The following EP300 variants were observed in gnomAD, a reference collection of about 807,000 sequenced individuals.
The protein encoded by EP300 is EP300 lysine acetyltransferase.
Under a neutral mutation model 264.0 loss-of-function variants are expected in EP300, and 31 were observed. That is an observed-to-expected ratio of 0.12 (90% CI 0.09 to 0.16). The LOEUF (loss-of-function observed/expected upper bound fraction) is 0.16. EP300 is among the 10% of genes least tolerant of loss of function. The pLI is 1.00. For synonymous variants in EP300, 1,340 were observed against 1,045.4 expected (o/e 1.28, Z -5.44); for missense variants, 2,766 against 3,052.9 (o/e 0.91, Z 2.21).
rs2145665820 is a variant in EP300 at position 41,093,093 on chromosome 22, G to C, written c.89G>C (p.Gly30Ala). Residue 30 changes from glycine to alanine, a missense_variant, in exon 1 of 31, where the codon GGC becomes GCC. Physicochemically the swap from Gly to Ala is moderately conservative, Grantham distance 60 (BLOSUM62 0). Coordinates refer to ENST00000263253, the MANE Select transcript of EP300 (RefSeq NM_001429.4). ...SPALSASASD[G>A]TDFGSLFDLE... ...GCCCTCTCGGCGTCCGCCAGCGATGGCACAGGTTAGTTTCGGCAGCCCCGG... is the reference window on the plus strand; with the variant it reads ...GCCCTCTCGGCGTCCGCCAGCGATGCCACAGGTTAGTTTCGGCAGCCCCGG... The C allele has an allele frequency of 1.2e-6, 2 of 1,614,100 alleles. No individual in the cohort carries two copies. The highest frequency in any genetic ancestry group is 2.7e-5 in the African/African-American group (2 of 75,068).
intron 3 of EP300, chr22:41,126,382 G>T: frequency 4.2e-6 from 1 of 235,450 alleles, no homozygotes; most frequent in Non-Finnish European, 8.4e-6. Flanking sequence ...AGGAATCTCT[G>T]GCAAAGGATC....
At position 41,179,592 on chromosome 22, in the gene EP300, TTTCTA is replaced by T. The variant is rs1427351585; in HGVS notation, c.*641_*645del. On this transcript the variant is annotated 3_prime_UTR_variant, in exon 31 of 31. Coordinates refer to ENST00000263253, the MANE Select transcript of EP300 (RefSeq NM_001429.4). Reference sequence around the variant, plus strand: ...AGTCAACTTTTGTGCTCCAGAAAATTTTCTATTCTGTAAGTCTGAGCGTAAAACTT... The same window carrying T: ...AGTCAACTTTTGTGCTCCAGAAAATTTTCTGTAAGTCTGAGCGTAAAACTT... The T allele has an allele frequency of 4.7e-6, 1 of 213,450 alleles. No individual in the cohort carries two copies. Among genetic ancestry groups the T allele is most frequent in the Non-Finnish European group, 9.4e-6 (1 of 106,638 alleles). The allele number at this position is 213,450 out of a possible 1,614,324, so 13.2% of individuals were successfully genotyped here.
chr22:41,140,400 G>A (rs2058975281), intron 9 of EP300, 143 bp downstream of exon 9: 1 of 765,958 alleles, frequency 1.3e-6, no homozygotes, highest in Admixed American at 1.7e-5. Context: ...CCCAAGCATA[G>A]TTAGGATACC....
intron 26 of EP300, 39 bp from the exon 27 acceptor site, chr22:41,170,367 A>C (rs748068205): frequency 3.1e-6 from 5 of 1,588,416 alleles, no homozygotes; most frequent in South Asian, 1.1e-5. Flanking sequence ...AGAATAGATT[A>C]TCTCTTTTCC....
intron 14 of EP300, among the ~76,000 whole-genome samples, chr22:41,150,494 C>T (rs2059037799): frequency 6.6e-6 from 1 of 152,146 alleles, no homozygotes; most frequent in African/African-American, 2.4e-5. Context: ...AATCCTTCTC[C>T]TTATTTAGTA....
intron 22 of EP300, among the ~76,000 whole-genome samples, chr22:41,166,120 A>G (rs1172863433): frequency 6.6e-6 from 1 of 152,132 alleles, no homozygotes; most frequent in African/African-American, 2.4e-5. Context: ...CTGCATTTTT[A>G]ATGGATGCAT....
At chr22:41,167,814 GTTTTTTTTTTTGTTTTTTTTTTTTTT>G (rs2059147736) in intron 23 of EP300, among the ~76,000 whole-genome samples, 1 of 66,208 alleles carries the variant, frequency 1.5e-5, no homozygotes, top group African/African-American at 6.4e-5. Flanking sequence ...GTTTGTTTTT[GTTTTTTTTTTTGTTTTTTTTTTTTTT>G]TTTTTTTTTT....
intron 16 of EP300, 65 bp downstream of exon 16, chr22:41,152,415 C>G (rs949360594): frequency 3.2e-6 from 5 of 1,557,998 alleles, no homozygotes; most frequent in Non-Finnish European, 4.4e-6. Context: ...GGCAGAATTG[C>G]GGTCATGCCT....
intron 2 of EP300, among the ~76,000 whole-genome samples, chr22:41,124,255 A>G (rs181955106): frequency 3.9e-5 from 6 of 152,044 alleles, no homozygotes; most frequent in Admixed American, 3.3e-4. Context: ...AAAAACAGAG[A>G]AGTACATAAG....
At position 41,176,407 on chromosome 22, in the gene EP300, C is replaced by T. The variant is rs2145513218; in HGVS notation, c.4940C>T (p.Ala1647Val). ...CTGGAGTTCTCTTCACTCCGAAGAG[C>T]CCAGTGGTCCACCATGTGCATGCTG... ...KHLEFSSLRR[A>V]QWSTMCMLVE... Residue 1647 changes from alanine (A) to valine (V), a missense_variant, in exon 30 of 31, where the codon GCC becomes GTC. Transcript: ENST00000263253. The T allele has an allele frequency of 6.2e-7, 1 of 1,614,214 alleles. No homozygotes were observed. The highest frequency in any genetic ancestry group is 8.5e-7 in the Non-Finnish European group (1 of 1,180,042).
chr22:41,119,334 T>C (rs1430186625), intron 2 of EP300, among the ~76,000 whole-genome samples: 1 of 151,824 alleles, frequency 6.6e-6, no homozygotes, highest in Non-Finnish European at 1.5e-5. Flanking sequence ...CTGACACTTT[T>C]AGATTGCCGT....
intron 17 of EP300, among the ~76,000 whole-genome samples, chr22:41,156,893 A>G (rs900299643): frequency 6.6e-6 from 1 of 152,240 alleles, no homozygotes; most frequent in African/African-American, 2.4e-5. Flanking sequence ...CTGATCTCAC[A>G]TGTACTTTCA....
intron 18 of EP300, 56 bp downstream of exon 18, chr22:41,157,464 T>C (rs1404133494): frequency 8.2e-6 from 13 of 1,582,316 alleles, no homozygotes; most frequent in South Asian, 1.1e-5. Context: ...TAGAATAATA[T>C]AGTGGTGACT....
chr22:41,128,139 C>T (rs1290810258), intron 4 of EP300, among the ~76,000 whole-genome samples: 4 of 152,190 alleles, frequency 2.6e-5, no homozygotes, highest in Non-Finnish European at 4.4e-5. Context: ...GTACTCCAGC[C>T]TGGGTGACAA....
chr22:41,163,303 C>T (rs995958738), intron 21 of EP300, among the ~76,000 whole-genome samples: 1 of 150,554 alleles, frequency 6.6e-6, no homozygotes, highest in African/African-American at 2.4e-5. Flanking sequence ...GGCGTAGTGG[C>T]GGGCGCCTGT....
At chr22:41,163,730 C>CAG (rs1262238891) in intron 21 of EP300, among the ~76,000 whole-genome samples, 3 of 151,378 alleles carry the variant, frequency 2.0e-5, no homozygotes, top group Admixed American at 2.0e-4. Flanking sequence ...CTGGGCGACA[C>CAG]AGAGAGACTC....
intron 21 of EP300, among the ~76,000 whole-genome samples, chr22:41,163,608 G>A (rs995682378): frequency 6.6e-5 from 10 of 151,666 alleles, no homozygotes; most frequent in South Asian, 2.1e-4. Flanking sequence ...TTAGCTGTGC[G>A]TGGTGGTGCG....
intron 2 of EP300, among the ~76,000 whole-genome samples, chr22:41,124,689 CAA>C (rs1299711171): frequency 1.3e-5 from 2 of 152,048 alleles, no homozygotes; most frequent in African/African-American, 4.8e-5. Context: ...TTGAACATGA[CAA>C]AGGGGTTAGA....
intron 3 of EP300, chr22:41,126,359 C>G (rs1286009089): frequency 5.0e-5 from 13 of 260,236 alleles, no homozygotes; most frequent in Non-Finnish European, 8.9e-5. Context: ...CGGAACCTTT[C>G]ACTTTTGGGG....
Sources: allele counts gnomAD v4.1 joint callset (sites outside exome capture counted in the v4.1 genomes callset), GRCh38; gene constraint gnomAD v4.1.1; transcripts MANE v1.5; gene names NCBI Gene and HGNC (gene_info 2026-07-23, HGNC 2026-07-21).